PLEKHH2: variants seen among roughly 807,000 people sequenced by gnomAD.
The protein encoded by PLEKHH2 is pleckstrin homology domain-containing family H member 2.
A neutral mutation model predicts 187.9 loss-of-function variants in PLEKHH2; 129 were observed. That is an observed-to-expected ratio of 0.69 (90% CI 0.59 to 0.79). The LOEUF is 0.79. Among genes scored for constraint, PLEKHH2 ranks in the 30% least tolerant of loss-of-function variants. The pLI is 0.00. For synonymous variants in PLEKHH2, 686 were observed against 605.6 expected (o/e 1.13, Z -1.95); for missense variants, 2,076 against 1,751.2 (o/e 1.19, Z -3.31).
chr2:43,758,502 C>G (rs1672304135), intron 26 of PLEKHH2, among the ~76,000 whole-genome samples: 2 of 152,224 alleles, frequency 1.3e-5, no homozygotes, highest in Non-Finnish European at 2.9e-5. Context: ...ATCCTCCCGC[C>G]TCGGCCTCCC....
intron 20 of PLEKHH2, among the ~76,000 whole-genome samples, chr2:43,739,324 G>A (rs975932809): frequency 2.0e-5 from 3 of 152,130 alleles, no homozygotes; most frequent in African/African-American, 7.2e-5. Flanking sequence ...ATTGACTCAG[G>A]ATGCGTTTCT....
At chr2:43,682,487 T>C (rs2104438215) in intron 3 of PLEKHH2, among the ~76,000 whole-genome samples, 1 of 152,218 alleles carries the variant, frequency 6.6e-6, no homozygotes, top group East Asian at 1.9e-4. Flanking sequence ...TTTGTATTTT[T>C]AGAGAGATGG....
At position 43,697,306 on chromosome 2, in the gene PLEKHH2, G is replaced by A. The variant is rs1366672309; in HGVS notation, c.638G>A (p.Ser213Asn). ...CAAGTAGTAAAATCTGAGGAAATGA[G>A]CAAGATATCATCGAAAGAACCTGAG... Reference protein sequence around the residue: ...PPQVVKSEEMSKISSKEPEFT... With the variant: ...PPQVVKSEEMNKISSKEPEFT... Residue 213 changes from serine to asparagine, a missense_variant, in exon 7 of 30, where the codon AGC (serine) becomes AAC (asparagine). Coordinates refer to ENST00000282406, the MANE Select transcript of PLEKHH2 (RefSeq NM_172069.4). 2 of 1,613,618 alleles carry A rather than the reference G, an allele frequency of 1.2e-6. No individual in the cohort carries two copies. Among genetic ancestry groups the A allele is most frequent in the African/African-American group, 1.3e-5 (1 of 74,888 alleles).
At chr2:43,676,088 C>T in intron 2 of PLEKHH2, 1 of 1,613,746 alleles carries the variant, frequency 6.2e-7, no homozygotes, top group South Asian at 1.1e-5. Flanking sequence ...CTCTCATCTT[C>T]GGATTCTCCA....
At chr2:43,683,149 T>TC (rs1193890596) in intron 3 of PLEKHH2, among the ~76,000 whole-genome samples, 1 of 146,502 alleles carries the variant, frequency 6.8e-6, no homozygotes, top group South Asian at 2.2e-4. Context: ...ACCCTTTTTT[T>TC]TTTTTTTTTT....
At chr2:43,671,013 T>G (rs1306054140) in intron 2 of PLEKHH2, among the ~76,000 whole-genome samples, 15 of 151,800 alleles carry the variant, frequency 9.9e-5, no homozygotes, top group Non-Finnish European at 2.2e-4. Flanking sequence ...AGATGAAGTG[T>G]CGCCCTTGTC....
intron 9 of PLEKHH2, among the ~76,000 whole-genome samples, chr2:43,704,304 G>T (rs1047228274): frequency 2.0e-5 from 3 of 152,108 alleles, no homozygotes; most frequent in African/African-American, 7.2e-5. Context: ...AAATGAAAAA[G>T]TTCTAGAGGT....
At chr2:43,687,897 A>G (rs973420382) in intron 3 of PLEKHH2, among the ~76,000 whole-genome samples, 1 of 152,044 alleles carries the variant, frequency 6.6e-6, no homozygotes, top group Non-Finnish European at 1.5e-5. Context: ...CTCAGGCTCA[A>G]GTGATTCTCC....
At chr2:43,763,459 G>A (rs757529855) in intron 28 of PLEKHH2, among the ~76,000 whole-genome samples, 4 of 151,240 alleles carry the variant, frequency 2.6e-5, no homozygotes, top group Admixed American at 2.0e-4. Context: ...TTATTCTGTC[G>A]CCCAGACTGA....
chr2:43,644,856 A>T, intron 2 of PLEKHH2, 60 bp downstream of exon 2: 2 of 1,458,600 alleles, frequency 1.4e-6, no homozygotes, highest in Non-Finnish European at 1.9e-6. Context: ...TGCTTCATTT[A>T]TATTAAATAA....
intron 3 of PLEKHH2, among the ~76,000 whole-genome samples, chr2:43,682,204 A>G (rs1402609552): frequency 6.6e-6 from 1 of 152,250 alleles, no homozygotes; most frequent in Non-Finnish European, 1.5e-5. Context: ...ATTACCAGTA[A>G]TTCTTCAGTA....
intron 15 of PLEKHH2, among the ~76,000 whole-genome samples, chr2:43,713,006 G>A (rs1451646090): frequency 6.6e-6 from 1 of 152,128 alleles, no homozygotes; most frequent in Non-Finnish European, 1.5e-5. Flanking sequence ...AAATCTGCTA[G>A]TGAGAGCATT....
Position 43,700,439 on chromosome 2 carries a change from G to A in PLEKHH2, c.1481G>A (p.Gly494Glu), listed in dbSNP as rs775502861. Residue 494 changes from glycine to glutamate, a missense_variant, in exon 8 of 30, where the codon GGA becomes GAA. By Grantham distance (98) the Gly-to-Glu change is moderately conservative (BLOSUM62 -2). Coordinates refer to ENST00000282406, the MANE Select transcript of PLEKHH2 (RefSeq NM_172069.4). Reference sequence around the variant, plus strand: ...GAAACTGATCTTGATCTAGTTGATGGAGACAGTACAGAAGTTTTAGAGAAT... The same window carrying A: ...GAAACTGATCTTGATCTAGTTGATGAAGACAGTACAGAAGTTTTAGAGAAT... ...PQETDLDLVDGDSTEVLENMD... is the reference protein window; with the variant it reads ...PQETDLDLVDEDSTEVLENMD... 8.1e-6 allele frequency: 13 copies of A among 1,613,950 alleles called. 1 individual carries two copies. The highest frequency in any genetic ancestry group is 3.3e-5 in the Admixed American group (2 of 59,990).
At chr2:43,693,742 G>GAAAAAAAAAAAAAAA (rs1304124515) in intron 4 of PLEKHH2, among the ~76,000 whole-genome samples, 1 of 99,176 alleles carries the variant, frequency 1.0e-5, no homozygotes, top group African/African-American at 4.4e-5. Flanking sequence ...AAAAAAAAAG[G>GAAAAAAAAAAAAAAA]AAAAAATTGC....
In PLEKHH2 at chr2:43,650,261, T is replaced by C. The variant is rs1171495379; in HGVS notation, c.123+5465T>C. Among the ~76,000 whole-genome samples, 4 of 150,410 alleles carry C rather than the reference T, an allele frequency of 2.7e-5. 1 individual carries two copies. Among genetic ancestry groups the C allele is most frequent in the South Asian group, 4.2e-4 (2 of 4,746 alleles). ...GATCCTCCTGCCTCAGCCTCCTGAG[T>C]AGCTGGGATTACAGGTGTGCACCAC... On this transcript the variant is annotated intron_variant, in intron 2 of 29. Transcript: ENST00000282406.
At chr2:43,672,638 A>G (rs746295582) in intron 2 of PLEKHH2, among the ~76,000 whole-genome samples, 1 of 152,238 alleles carries the variant, frequency 6.6e-6, no homozygotes, top group Non-Finnish European at 1.5e-5. Context: ...CTCTAATTTC[A>G]CAGGTTATTT....
rs189546347 is a variant in PLEKHH2 at position 43,759,782 on chromosome 2, G to A, written c.4071+753G>A. ...TTGTACCTACTGTAGTGCTTTGCAC[G>A]TAATTAATAATTATCACTTAATAAA... On this transcript the variant is annotated intron_variant, in intron 27 of 29. Coordinates refer to ENST00000282406, the MANE Select transcript of PLEKHH2 (RefSeq NM_172069.4). Among the ~76,000 whole-genome samples the A allele has an allele frequency of 1.6e-4, 24 of 152,270 alleles. No homozygotes were observed. The East Asian group carries it at 3.5e-3, about 22-fold the overall frequency.
intron 2 of PLEKHH2, among the ~76,000 whole-genome samples, chr2:43,651,824 T>C (rs560022618): frequency 6.6e-6 from 1 of 152,330 alleles, no homozygotes; most frequent in African/African-American, 2.4e-5. Context: ...AGTTCCTGGT[T>C]CCTAAACACT....
chr2:43,762,325 G>C lies in PLEKHH2; in HGVS notation c.4093G>C (p.Gly1365Arg), dbSNP rs369274271. The C allele has an allele frequency of 1.9e-6, 3 of 1,612,070 alleles. No homozygotes were observed. Among genetic ancestry groups the C allele is most frequent in the African/African-American group, 1.3e-5 (1 of 74,824 alleles). ...LAKPITPSSL[G>R]STFLWLAVHE... ...ATAGCCCATAACTCCATCATCACTT[G>C]GAAGTACTTTCTTGTGGCTGGCTGT... The change falls in exon 28 of 30, where the codon GGA (glycine) becomes CGA (arginine). Residue 1365 changes from glycine to arginine, a missense_variant. By Grantham distance (125) the Gly-to-Arg change is moderately radical. Coordinates refer to ENST00000282406, the MANE Select transcript of PLEKHH2 (RefSeq NM_172069.4).
Sources: gnomAD v4.1 joint callset for allele counts (sites outside exome capture counted in the v4.1 genomes callset) on GRCh38, gnomAD v4.1.1 for gene constraint, MANE v1.5 for transcripts, NCBI Gene and HGNC (gene_info 2026-07-23, HGNC 2026-07-21) for gene names.